CRIM1: variants seen among roughly 807,000 people sequenced by gnomAD.
CRIM1 encodes cysteine rich transmembrane BMP regulator 1, also known as cysteine-rich motor neuron 1 protein.
In CRIM1, 32 loss-of-function variants were observed where a neutral mutation model predicts 116.4. That is an observed-to-expected ratio of 0.27 (90% confidence interval 0.21 to 0.37). The LOEUF is 0.37. Ranked by LOEUF, CRIM1 falls within the 10% of genes least tolerant of loss-of-function variation. CRIM1 has a pLI of 1.00. For synonymous variants in CRIM1, 590 were observed against 509.2 expected (o/e 1.16, Z -2.13); for missense variants, 1,331 against 1,354.8 (o/e 0.98, Z 0.28).
chr2:36,429,800 A>T (rs1039458473), intron 2 of CRIM1, among the ~76,000 whole-genome samples: 32 of 152,196 alleles, frequency 2.1e-4, no homozygotes, highest in African/African-American at 6.5e-4. Context: ...ATCTGTGCTT[A>T]AAAAAGCGTT....
At chr2:36,406,633 C>CCAAA (rs1558548535) in intron 2 of CRIM1, among the ~76,000 whole-genome samples, 3 of 118,220 alleles carry the variant, frequency 2.5e-5, no homozygotes, top group South Asian at 2.5e-4. Context: ...CCCCCCCCCC[C>CCAAA]AAAAAAAAAC....
At chr2:36,425,306 C>T (rs1379124835) in intron 2 of CRIM1, among the ~76,000 whole-genome samples, 1 of 152,192 alleles carries the variant, frequency 6.6e-6, no homozygotes, top group African/African-American at 2.4e-5. Flanking sequence ...ATAGTAAGCC[C>T]TCAACTGTTA....
At chr2:36,461,154 A>G (rs1677550100) in intron 4 of CRIM1, among the ~76,000 whole-genome samples, 1 of 152,190 alleles carries the variant, frequency 6.6e-6, no homozygotes, top group Non-Finnish European at 1.5e-5. Context: ...ACTGAGCCTT[A>G]GGATGGGTGT....
rs1375438653 is a variant in CRIM1 at position 36,471,553 on chromosome 2, A to G, written c.992-5336A>G. Among the ~76,000 whole-genome samples the G allele has an allele frequency of 8.5e-5, 13 of 152,296 alleles. No homozygotes were observed. In the East Asian group the frequency reaches 2.3e-3, roughly 27 times the overall value. On this transcript the variant is annotated intron_variant, in intron 5 of 16. Coordinates refer to ENST00000280527, the MANE Select transcript of CRIM1 (RefSeq NM_016441.3). The stretch of plus-strand genomic sequence containing the variant: ...GATCGTTAGCAGTTTTTAGCAATAA[A>G]GTATTTTAAATTAAGGAATGTATAT...
At chr2:36,430,091 G>A (rs536127967) in intron 2 of CRIM1, among the ~76,000 whole-genome samples, 5 of 152,330 alleles carry the variant, frequency 3.3e-5, no homozygotes, top group African/African-American at 1.2e-4. Context: ...TCAGCCAGAT[G>A]TGCAAAAGTT....
At chr2:36,376,438 C>A (rs556404131) in intron 1 of CRIM1, among the ~76,000 whole-genome samples, 2 of 152,328 alleles carry the variant, frequency 1.3e-5, no homozygotes, top group South Asian at 4.1e-4. Flanking sequence ...CATTTCCTTG[C>A]TTACAGAGCC....
At chr2:36,437,236 G>A (rs1437714834) in intron 2 of CRIM1, among the ~76,000 whole-genome samples, 5 of 152,150 alleles carry the variant, frequency 3.3e-5, no homozygotes, top group East Asian at 1.9e-4. Flanking sequence ...TTAGCCGGGC[G>A]AGGTGGTGGG....
At chr2:36,486,022 A>C (rs1679792712) in intron 7 of CRIM1, among the ~76,000 whole-genome samples, 1 of 152,226 alleles carries the variant, frequency 6.6e-6, no homozygotes, top group African/African-American at 2.4e-5. Context: ...TCTTTAACAT[A>C]AACATCAGAA....
chr2:36,480,883 T>C (rs1679365299), intron 7 of CRIM1, among the ~76,000 whole-genome samples: 1 of 152,130 alleles, frequency 6.6e-6, no homozygotes, highest in South Asian at 2.1e-4. Context: ...AAAGGCAGCA[T>C]TTCAGTGCTG....
chr2:36,372,270 C>T (rs1572576996), intron 1 of CRIM1, among the ~76,000 whole-genome samples: 2 of 152,094 alleles, frequency 1.3e-5, no homozygotes, highest in Admixed American at 6.6e-5. Context: ...AGCAAAATTC[C>T]GTTTGGATTT....
chr2:36,458,961 G>A (rs904713409), intron 4 of CRIM1, among the ~76,000 whole-genome samples: 8 of 152,120 alleles, frequency 5.3e-5, no homozygotes, highest in African/African-American at 1.4e-4. Flanking sequence ...TTCTTCCCTC[G>A]TGGTATCTCT....
chr2:36,513,945 A>G (rs1664868081), intron 11 of CRIM1, among the ~76,000 whole-genome samples, 180 bp downstream of exon 11: 1 of 152,222 alleles, frequency 6.6e-6, no homozygotes, highest in Admixed American at 6.5e-5. Context: ...GTGAAGAACC[A>G]AAGACCAGAG....
At chr2:36,499,453 G>C (rs1217679933) in intron 8 of CRIM1, 106 bp downstream of exon 8, 2 of 1,216,044 alleles carry the variant, frequency 1.6e-6, no homozygotes, top group Admixed American at 4.9e-5. Context: ...ACATTCCCTT[G>C]ACAACCTGAA....
intron 1 of CRIM1, among the ~76,000 whole-genome samples, chr2:36,370,795 G>A (rs1335392938): frequency 6.6e-6 from 1 of 152,054 alleles, no homozygotes; most frequent in Non-Finnish European, 1.5e-5. Context: ...TTTTTCTTTA[G>A]AGGGGACATA....
At chr2:36,362,768 A>T (rs1466661593) in intron 1 of CRIM1, among the ~76,000 whole-genome samples, 1 of 152,228 alleles carries the variant, frequency 6.6e-6, no homozygotes, top group Non-Finnish European at 1.5e-5. Flanking sequence ...CACATGAAAA[A>T]AGTAAATGTT....
intron 7 of CRIM1, among the ~76,000 whole-genome samples, chr2:36,482,784 C>G (rs181992825): frequency 1.1e-3 from 163 of 152,316 alleles, no homozygotes; most frequent in African/African-American, 3.8e-3. Context: ...AAGGACCCCA[C>G]ACAAGGATTG....
At chr2:36,386,887 T>G (rs2148350179) in intron 1 of CRIM1, among the ~76,000 whole-genome samples, 1 of 152,314 alleles carries the variant, frequency 6.6e-6, no homozygotes, top group South Asian at 2.1e-4. Context: ...GAGAAGTAGC[T>G]TTCTAGGCAG....
At chr2:36,511,697 C>G (rs943815948) in intron 9 of CRIM1, among the ~76,000 whole-genome samples, 1 of 152,142 alleles carries the variant, frequency 6.6e-6, no homozygotes, top group Non-Finnish European at 1.5e-5. Context: ...ATTATACTGG[C>G]TAGAACACAT....
intron 15 of CRIM1, among the ~76,000 whole-genome samples, chr2:36,545,949 C>A (rs1667292901): frequency 6.6e-6 from 1 of 152,090 alleles, no homozygotes; most frequent in South Asian, 2.1e-4. Flanking sequence ...TTGCCATCTG[C>A]ACTGGCTAAA....
Sources: gnomAD v4.1 joint callset for allele counts (sites outside exome capture counted in the v4.1 genomes callset) on GRCh38, gnomAD v4.1.1 for gene constraint, MANE v1.5 for transcripts, NCBI Gene and HGNC (gene_info 2026-07-23, HGNC 2026-07-21) for gene names.